Variants in ZNF678 observed in about 807,000 individuals in gnomAD.
ZNF678 encodes zinc finger protein 678.
Under a neutral mutation model 3.0 loss-of-function variants are expected in ZNF678, and 5 were observed. The observed-to-expected ratio is 1.69, with a 90% CI of 0.88 to 3.56. The LOEUF (loss-of-function observed/expected upper bound fraction) is 3.56. Ranked by LOEUF, ZNF678 falls within the 30% of genes most tolerant of loss-of-function variation. ZNF678 has a pLI of 0.00. For synonymous variants in ZNF678, 218 were observed against 199.6 expected, an observed-to-expected ratio of 1.09 and a Z score of -0.78; for missense variants, 593 against 605.0, an observed-to-expected ratio of 0.98 and a Z score of 0.21.
At chr1:227,672,508 G>A (rs1180114199) in intron 5 of ZNF678, among the ~76,000 whole-genome samples, 2 of 152,110 alleles carry the variant, frequency 1.3e-5, no homozygotes, top group African/African-American at 4.8e-5. Flanking sequence ...CGATCTCTGG[G>A]AAACTCAGGT....
intron 1 of ZNF678, among the ~76,000 whole-genome samples, chr1:227,645,316 C>T (rs150716000): frequency 1.0e-3 from 154 of 152,246 alleles, no homozygotes; most frequent in African/African-American, 3.6e-3. Flanking sequence ...GGCTGGTTCT[C>T]GGGTAAATGA....
At chr1:227,572,649 A>G (rs1223599741) in intron 1 of ZNF678, among the ~76,000 whole-genome samples, 4 of 152,116 alleles carry the variant, frequency 2.6e-5, no homozygotes, top group African/African-American at 7.2e-5. Context: ...TTATGTAAAT[A>G]GAGAGCTCAG....
chr1:227,616,976 C>T (rs1400500379), intron 1 of ZNF678, among the ~76,000 whole-genome samples: 2 of 152,172 alleles, frequency 1.3e-5, no homozygotes, highest in African/African-American at 2.4e-5. Context: ...CCACTTGGGC[C>T]ATGTGATAGC....
chr1:227,650,971 G>A lies in ZNF678; in HGVS notation c.-21G>A, dbSNP rs1659075220. The A allele has an allele frequency of 6.2e-7, 1 of 1,610,968 alleles. No homozygotes were observed. Among genetic ancestry groups the A allele is most frequent in the Non-Finnish European group, 8.5e-7 (1 of 1,179,124 alleles). ...TTCTGTCTAGGACTTCCAGGACTAT[G>A]TTAAAATAGAAGCATTGATAATGGG... On this transcript the variant is annotated 5_prime_UTR_variant, in exon 3 of 4. An upstream start codon of the reference 5' UTR is lost. Transcript: ENST00000343776.
In ZNF678 at chr1:227,654,553, A is replaced by G. The variant is rs1356907811; in HGVS notation, c.303A>G (p.Glu101=). The change falls in exon 4 of 4, where the codon GAA becomes GAG. Residue 101 remains glutamate, a synonymous_variant. Transcript: ENST00000343776. Reference sequence around the variant, plus strand: ...AAAGCAAAATCTTTCAATGTATTGAATGTGGCAGAAATTTTAGCTGGAGGT... The same window carrying G: ...AAAGCAAAATCTTTCAATGTATTGAGTGTGGCAGAAATTTTAGCTGGAGGT... ...STKSKIFQCI[E]CGRNFSWRSI... is the part of the protein sequence containing the mutation. 3.1e-6 allele frequency: 5 copies of G among 1,613,300 alleles called. No individual in the cohort carries two copies. Among genetic ancestry groups the G allele is most frequent in the Non-Finnish European group, 4.2e-6 (5 of 1,179,586 alleles).
At chr1:227,678,791 C>T (rs991150400), downstream of ZNF678, among the ~76,000 whole-genome samples, 31 of 152,222 alleles carry the variant, frequency 2.0e-4, no homozygotes, top group African/African-American at 6.7e-4. Context: ...TAGAGGTGTG[C>T]CTAATGAATT....
chr1:227,655,665 A>G lies in ZNF678; in HGVS notation c.1415A>G (p.Gln472Arg), dbSNP rs560445750. The change falls in exon 4 of 4, where the codon CAG becomes CGG. Residue 472 changes from glutamine (Q) to arginine (R), a missense_variant. Physicochemically the swap from Gln to Arg is conservative, Grantham distance 43. Coordinates refer to ENST00000343776, the MANE Select transcript of ZNF678 (RefSeq NM_001367909.1). Reference sequence around the variant, plus strand: ...GAAGAATGTGGCAAAGCCTTTAACCAGTTCTCAAGCCTTACTCGTCATAAA... The same window carrying G: ...GAAGAATGTGGCAAAGCCTTTAACCGGTTCTCAAGCCTTACTCGTCATAAA... ...KCEECGKAFN[Q>R]FSSLTRHKRI... 1.5e-5 allele frequency: 24 copies of G among 1,612,688 alleles called. No individual in the cohort carries two copies. The South Asian group carries it at 2.3e-4, about 16-fold the overall frequency.
downstream of ZNF678, among the ~76,000 whole-genome samples, chr1:227,663,160 T>C (rs143085552): frequency 2.8e-4 from 42 of 152,342 alleles, no homozygotes; most frequent in East Asian, 8.1e-3. Context: ...CATAGCTTGA[T>C]GTCAGGTTCC....
intron 5 of ZNF678, among the ~76,000 whole-genome samples, chr1:227,672,986 C>G (rs1351991342): frequency 6.6e-6 from 1 of 152,112 alleles, no homozygotes; most frequent in Non-Finnish European, 1.5e-5. Context: ...TTTTTAAGCC[C>G]AGTAGGGTTG....
At chr1:227,581,093 A>G (rs1390578262) in intron 1 of ZNF678, among the ~76,000 whole-genome samples, 1 of 152,094 alleles carries the variant, frequency 6.6e-6, no homozygotes, top group African/African-American at 2.4e-5. Context: ...ATATGAAGAA[A>G]AGGAGGAAAA....
At chr1:227,596,155 C>T (rs558756057) in intron 1 of ZNF678, among the ~76,000 whole-genome samples, 64 of 152,320 alleles carry the variant, frequency 4.2e-4, no homozygotes, top group African/African-American at 1.5e-3. Flanking sequence ...ATCTGCGTTG[C>T]TTGGGCTGGT....
intron 1 of ZNF678, among the ~76,000 whole-genome samples, chr1:227,627,443 CT>C (rs775127672): frequency 7.9e-4 from 120 of 152,168 alleles, no homozygotes; most frequent in Non-Finnish European, 1.5e-3. Flanking sequence ...CCTTGCAGCT[CT>C]TTTGGCTTCA....
At chr1:227,666,741 C>CTTTTTTTTTTTTTTTTTTTTTTTG (rs1182440018), downstream of ZNF678, among the ~76,000 whole-genome samples, 1 of 115,170 alleles carries the variant, frequency 8.7e-6, no homozygotes, top group Non-Finnish European at 1.8e-5. Context: ...TTCTTTCTTG[C>CTTTTTTTTTTTTTTTTTTTTTTTG]TTTTTTTTTT....
intron 1 of ZNF678, among the ~76,000 whole-genome samples, chr1:227,605,517 T>C (rs958285638): frequency 2.6e-5 from 4 of 152,212 alleles, no homozygotes; most frequent in South Asian, 2.1e-4. Flanking sequence ...CCCAATGTTA[T>C]GGAGGAAACA....
At chr1:227,594,401 T>C (rs1657507387) in intron 1 of ZNF678, among the ~76,000 whole-genome samples, 2 of 152,196 alleles carry the variant, frequency 1.3e-5, no homozygotes, top group Admixed American at 6.5e-5. Flanking sequence ...CCTTTCATAA[T>C]TTTTGTTAAA....
intron 1 of ZNF678, among the ~76,000 whole-genome samples, chr1:227,564,400 A>C (rs1397657606): frequency 1.3e-5 from 2 of 152,244 alleles, no homozygotes; most frequent in African/African-American, 4.8e-5. Flanking sequence ...TTTCATGTAG[A>C]AACGCAAGAC....
Position 227,658,348 on chromosome 1 carries a change from A to G in ZNF678, c.*2520A>G, listed in dbSNP as rs1659304609. The G allele has an allele frequency of 6.6e-6, 1 of 152,088 alleles. No homozygotes were observed. The highest frequency in any genetic ancestry group is 2.4e-5 in the African/African-American group (1 of 41,440). 9.4% of individuals were successfully genotyped at this position (152,088 alleles called of 1,614,324 possible). On this transcript the variant is annotated 3_prime_UTR_variant, in exon 4 of 4. Transcript: ENST00000343776. The stretch of plus-strand genomic sequence containing the variant: ...GGGGTATAATAGATGCTCTATAATT[A>G]GCAGTAAATATTCTTGTTTAAGTCA...
At chr1:227,574,460 G>A (rs1312867709) in intron 1 of ZNF678, among the ~76,000 whole-genome samples, 2 of 152,108 alleles carry the variant, frequency 1.3e-5, no homozygotes, top group Non-Finnish European at 2.9e-5. Flanking sequence ...TTGGTTGCAT[G>A]GATGTTTTCT....
Position 227,660,907 on chromosome 1 carries a change from ATAAAG to A in ZNF678, c.*5083_*5087del, listed in dbSNP as rs1336072841. On this transcript the variant is annotated 3_prime_UTR_variant, in exon 4 of 4. Coordinates refer to ENST00000343776, the MANE Select transcript of ZNF678 (RefSeq NM_001367909.1). ...ATGTAATTTGTTTTGAGATTTTGTC[ATAAAG>A]TAATGTTGAATTTTCTAAAATTCTT... 2.0e-5 allele frequency: 3 copies of A among 152,194 alleles called. No individual in the cohort carries two copies. The highest frequency in any genetic ancestry group is 4.8e-5 in the African/African-American group (2 of 41,452). 9.4% of individuals were successfully genotyped at this position (152,194 alleles called of 1,614,324 possible).
Sources: allele counts gnomAD v4.1 joint callset (sites outside exome capture counted in the v4.1 genomes callset), GRCh38; gene constraint gnomAD v4.1.1; transcripts MANE v1.5; gene names NCBI Gene and HGNC (gene_info 2026-07-23, HGNC 2026-07-21).